The following BAZ1B variants were observed in gnomAD, a reference collection of about 807,000 sequenced individuals.
The protein encoded by BAZ1B is tyrosine-protein kinase BAZ1B.
In BAZ1B, 22 loss-of-function variants were observed where a neutral mutation model predicts 153.8. The ratio of observed to expected loss-of-function variants is 0.14; its 90% CI spans 0.10 to 0.20. BAZ1B has a LOEUF of 0.20. Ranked by LOEUF, BAZ1B falls within the 10% of genes least tolerant of loss-of-function variation. The probability of loss-of-function intolerance (pLI) is 1.00; values close to 1 mark genes in which losing one functional copy is unlikely to be tolerated. For synonymous variants in BAZ1B, 676 were observed against 633.4 expected, an observed-to-expected ratio of 1.07 and a Z score of -1.01; for missense variants, 1,325 against 1,799.3, an observed-to-expected ratio of 0.74 and a Z score of 4.77.
At chr7:73,462,701 G>A (rs1208324441) in intron 12 of BAZ1B, 1 of 541,848 alleles carries the variant, frequency 1.8e-6, no homozygotes, top group Admixed American at 3.2e-5. Flanking sequence ...TTCATACCAA[G>A]GTTGTAAGCC....
Position 73,442,313 on chromosome 7 carries a change from A to G in BAZ1B, c.4335T>C (p.Pro1445=), listed in dbSNP as rs782266038. The G allele has an allele frequency of 2.5e-6, 4 of 1,614,118 alleles. No individual in the cohort carries two copies. In the African/African-American group the frequency reaches 5.3e-5, roughly 22 times the overall value. The change falls in exon 19 of 20, where the codon CCT becomes CCC. Residue 1445 remains proline (P), a synonymous_variant. Transcript: ENST00000339594. Reference sequence around the variant, plus strand: ...GCTTCCTGCGGACATATGGGTGGCCAGGAAGGTGTTTATGCAACAGAGCCA... The same window carrying G: ...GCTTCCTGCGGACATATGGGTGGCCGGGAAGGTGTTTATGCAACAGAGCCA... The part of the protein sequence containing the change: ...CLVALLHKHL[P]GHPYVRRKRK...
chr7:73,496,337 C>A (rs140207437), intron 4 of BAZ1B, among the ~76,000 whole-genome samples: 1 of 152,226 alleles, frequency 6.6e-6, no homozygotes, highest in East Asian at 1.9e-4. Context: ...TTGGGATGGA[C>A]CAACTACAAT....
chr7:73,522,167 C>T lies in BAZ1B; in HGVS notation c.-234G>A, dbSNP rs576469087. The T allele has an allele frequency of 5.0e-6, 2 of 396,068 alleles. No individual in the cohort carries two copies. Among genetic ancestry groups the T allele is most frequent in the Admixed American group, 8.9e-5 (2 of 22,558 alleles). The allele number at this position is 396,068 out of a possible 1,614,324, so 24.5% of individuals were successfully genotyped here. On this transcript the variant is annotated 5_prime_UTR_variant, in exon 1 of 20. Coordinates refer to ENST00000339594, the MANE Select transcript of BAZ1B (RefSeq NM_032408.4). ...ACACCGCCGCGCCTCCCAGCAGCCC[C>T]CCGCCGACCTCCGCTTCGGGTCCCG...
chr7:73,466,374 G>T lies in BAZ1B; in HGVS notation c.2894C>A (p.Ala965Glu), dbSNP rs540646992. 4 of 1,613,752 alleles carry T rather than the reference G, an allele frequency of 2.5e-6. No individual in the cohort carries two copies. In the Admixed American group the frequency reaches 6.7e-5, roughly 27 times the overall value. ...RSKKANLGKNASMNTQHGTAT... is the reference protein window; with the variant it reads ...RSKKANLGKNESMNTQHGTAT... The stretch of plus-strand genomic sequence containing the variant: ...TGTTCCATGTTGTGTGTTCATGCTT[G>T]CATTTTTACCTAAGTTTGCTTTCTT... Residue 965 changes from alanine to glutamate, a missense_variant, in exon 10 of 20, where the codon GCA becomes GAA. Around this residue, in one of 9 missense-constraint regions of BAZ1B, gnomAD observed 431 missense variants for 563.5 expected, o/e 0.76. Coordinates refer to ENST00000339594, the MANE Select transcript of BAZ1B (RefSeq NM_032408.4).
chr7:73,518,342 G>T (rs1398041840), intron 1 of BAZ1B, among the ~76,000 whole-genome samples: 1 of 151,780 alleles, frequency 6.6e-6, no homozygotes, highest in Admixed American at 6.6e-5. Flanking sequence ...GAACCCGGGA[G>T]GCGGAGCTTG....
At chr7:73,482,799 T>A (rs1321936435) in intron 6 of BAZ1B, among the ~76,000 whole-genome samples, 1 of 152,178 alleles carries the variant, frequency 6.6e-6, no homozygotes, top group Non-Finnish European at 1.5e-5. Flanking sequence ...ACCATGTTTT[T>A]GTTTGTTTTT....
chr7:73,453,572 A>T (rs1788089872), intron 13 of BAZ1B, among the ~76,000 whole-genome samples: 1 of 152,232 alleles, frequency 6.6e-6, no homozygotes, highest in Non-Finnish European at 1.5e-5. Flanking sequence ...AACAAAACCT[A>T]TGTAGTAGTA....
At chr7:73,513,914 GA>G in intron 1 of BAZ1B, among the ~76,000 whole-genome samples, 1 of 151,998 alleles carries the variant, frequency 6.6e-6, no homozygotes, top group African/African-American at 2.4e-5. Flanking sequence ...GAATGTAAGA[GA>G]AATACATTAA....
intron 1 of BAZ1B, among the ~76,000 whole-genome samples, chr7:73,518,496 ACT>A (rs1554579684): frequency 6.6e-6 from 1 of 152,014 alleles, no homozygotes; most frequent in African/African-American, 2.4e-5. Context: ...GTCCAGTAAA[ACT>A]CTATCTTACA....
chr7:73,522,034 G>A lies in BAZ1B; in HGVS notation c.-101C>T, dbSNP rs537774379. The stretch of plus-strand genomic sequence containing the variant: ...CGAGCGCCAGGCGCCCGGGGGTGGG[G>A]TGGGGGAAGGGAGGGGTGAGAGGGC... On this transcript the variant is annotated 5_prime_UTR_variant, in exon 1 of 20. Coordinates refer to ENST00000339594, the MANE Select transcript of BAZ1B (RefSeq NM_032408.4). 3.4e-4 allele frequency: 276 copies of A among 813,940 alleles called. 2 individuals are homozygous for A. The East Asian group carries it at 9.3e-3, about 27-fold the overall frequency. The allele number at this position is 813,940 out of a possible 1,614,324, so 50.4% of individuals were successfully genotyped here. A position where few individuals can be genotyped will look rare whatever the true frequency, so the allele number is the denominator to read the frequency against.
intron 1 of BAZ1B, among the ~76,000 whole-genome samples, chr7:73,513,467 T>C (rs1394822630): frequency 6.6e-6 from 1 of 152,146 alleles, no homozygotes; most frequent in Non-Finnish European, 1.5e-5. Flanking sequence ...TTAAACAAAA[T>C]ATATAGAATG....
chr7:73,507,695 GTGGTTCTAAAATT>G (rs1301670336), intron 3 of BAZ1B, among the ~76,000 whole-genome samples: 1 of 152,206 alleles, frequency 6.6e-6, no homozygotes, highest in Non-Finnish European at 1.5e-5. Context: ...AGTGATGAAT[GTGGTTCTAAAATT>G]TGGTTCAAGG....
intron 15 of BAZ1B, among the ~76,000 whole-genome samples, chr7:73,448,335 A>G (rs1787914142): frequency 3.9e-5 from 6 of 152,210 alleles, no homozygotes; most frequent in Admixed American, 1.3e-4. Flanking sequence ...AGTACCTATA[A>G]GCTGCACATT....
Position 73,521,880 on chromosome 7 carries a change from T to C in BAZ1B, c.54A>G (p.Gly18=). ...KPFPLVKPLP[G]EEPLFTIPHT... ...GCGGGATGGTGAAGAGCGGCTCCTCTCCGGGCAACGGCTTCACCAGCGGGA... is the reference window on the plus strand; with the variant it reads ...GCGGGATGGTGAAGAGCGGCTCCTCCCCGGGCAACGGCTTCACCAGCGGGA... Residue 18 remains glycine (G), a synonymous_variant, in exon 1 of 20, where the codon GGA becomes GGG. Transcript: ENST00000339594. 6.6e-7 allele frequency: 1 copy of C among 1,504,518 alleles called. No individual in the cohort carries two copies. The highest frequency in any genetic ancestry group is 8.9e-7 in the Non-Finnish European group (1 of 1,122,686). The allele number at this position is 1,504,518 out of a possible 1,614,324, so 93.2% of individuals were successfully genotyped here.
intron 15 of BAZ1B, among the ~76,000 whole-genome samples, chr7:73,449,088 A>T (rs189691959): frequency 1.1e-4 from 17 of 152,284 alleles, no homozygotes; most frequent in African/African-American, 4.1e-4. Context: ...ATATCATGGC[A>T]AATTAATGGG....
In BAZ1B at chr7:73,478,848, A is replaced by C. The variant is rs1015666839; in HGVS notation, c.892-279T>G. Among the ~76,000 whole-genome samples, 11 of 152,210 alleles carry C rather than the reference A, an allele frequency of 7.2e-5. 1 individual carries two copies. Among genetic ancestry groups the C allele is most frequent in the Non-Finnish European group, 1.5e-5 (1 of 68,050 alleles). ...TATATTAATGATTCTTAAATATTTA[A>C]ACAAAATCTGTGAACCCCTCCAGCA... On this transcript the variant is annotated intron_variant, in intron 6 of 19. Transcript: ENST00000339594.
At chr7:73,504,744 C>T (rs1417133382) in intron 3 of BAZ1B, among the ~76,000 whole-genome samples, 1 of 152,104 alleles carries the variant, frequency 6.6e-6, no homozygotes, top group Non-Finnish European at 1.5e-5. Context: ...GGGAGGACTG[C>T]TTGAGCCTGG....
chr7:73,447,314 T>C lies in BAZ1B; in HGVS notation c.3794A>G (p.Glu1265Gly), dbSNP rs782232992. 6.6e-5 allele frequency: 106 copies of C among 1,610,178 alleles called. No individual in the cohort carries two copies. Among genetic ancestry groups the C allele is most frequent in the Non-Finnish European group, 8.8e-5 (104 of 1,176,370 alleles). ...TTCTTCCTCCTCCTCCTCTTCTTCC[T>C]CCTCCTCCTCTTCATCACTCTCATC... ...EDDESDEEEE[E>G]EEEEEEEEDY... Residue 1265 changes from glutamate to glycine, a missense_variant, in exon 16 of 20, where the codon GAG becomes GGG. By Grantham distance (98) the Glu-to-Gly change is moderately conservative (BLOSUM62 -2). Around this residue, in one of 9 missense-constraint regions of BAZ1B, gnomAD observed 271 missense variants for 337.2 expected, o/e 0.80. Coordinates refer to ENST00000339594, the MANE Select transcript of BAZ1B (RefSeq NM_032408.4).
At chr7:73,519,134 G>C (rs1308319652) in intron 1 of BAZ1B, among the ~76,000 whole-genome samples, 1 of 152,104 alleles carries the variant, frequency 6.6e-6, no homozygotes, top group Non-Finnish European at 1.5e-5. Context: ...CTTCCACTAA[G>C]TTTAATGAAG....
Sources: gnomAD v4.1 joint callset for allele counts (sites outside exome capture counted in the v4.1 genomes callset) on GRCh38, gnomAD v4.1.1 for gene constraint, gnomAD v4.1.1 regional missense constraint, MANE v1.5 for transcripts, NCBI Gene and HGNC (gene_info 2026-07-23, HGNC 2026-07-21) for gene names.